Variants in STPG2 observed in about 807,000 individuals in gnomAD.
STPG2 encodes sperm-tail PG-rich repeat-containing protein 2.
STPG2 carries 56 observed loss-of-function variants against 54.2 expected under a neutral mutation model. That is an observed-to-expected ratio of 1.03 (90% CI 0.83 to 1.29). STPG2 has a LOEUF of 1.29. Among genes scored for constraint, STPG2 ranks in the 50% most tolerant of loss-of-function variants. The probability of loss-of-function intolerance (pLI) is 0.00; values close to 1 mark genes in which losing one functional copy is unlikely to be tolerated. For missense variants in STPG2, 596 were observed against 544.9 expected (o/e 1.09, Z -0.93); for synonymous variants, 200 against 181.8 (o/e 1.10, Z -0.81).
downstream of STPG2, among the ~76,000 whole-genome samples, chr4:97,558,010 G>A (rs753311731): frequency 6.6e-6 from 1 of 152,118 alleles, no homozygotes; most frequent in Non-Finnish European, 1.5e-5. Flanking sequence ...AGCCTTTCCT[G>A]CATTTTCTTA....
intron 10 of STPG2, among the ~76,000 whole-genome samples, chr4:97,665,770 C>T (rs115272712): frequency 2.1e-4 from 32 of 152,210 alleles, no homozygotes; most frequent in African/African-American, 7.5e-4. Context: ...CTCAGCACTC[C>T]GTCAGCTTCC....
chr4:98,118,709 T>G (rs990620027), intron 3 of STPG2, among the ~76,000 whole-genome samples: 1 of 152,146 alleles, frequency 6.6e-6, no homozygotes, highest in Non-Finnish European at 1.5e-5. Flanking sequence ...AGTGGCTGAT[T>G]GCAAGGCTCA....
intron 8 of STPG2, among the ~76,000 whole-genome samples, chr4:97,931,661 GTTTT>G (rs869257958): frequency 2.3e-5 from 3 of 129,316 alleles, no homozygotes; most frequent in African/African-American, 5.1e-5. Flanking sequence ...TGGTTTTTTT[GTTTT>G]TTGTTGTTGT....
chr4:97,647,444 C>T (rs1352854355), intron 10 of STPG2, among the ~76,000 whole-genome samples: 3 of 152,134 alleles, frequency 2.0e-5, no homozygotes, highest in Non-Finnish European at 4.4e-5. Context: ...CACCTCCTGG[C>T]CTGATATTAC....
intron 10 of STPG2, among the ~76,000 whole-genome samples, chr4:97,677,613 A>G (rs534286532): frequency 6.6e-6 from 1 of 152,314 alleles, no homozygotes; most frequent in South Asian, 2.1e-4. Flanking sequence ...AATAATTTTT[A>G]TGGCAAATTT....
intron 9 of STPG2, among the ~76,000 whole-genome samples, chr4:97,821,959 T>C (rs1728105122): frequency 6.6e-6 from 1 of 152,222 alleles, no homozygotes. Context: ...CACTTGACTC[T>C]TTTTAGCCAT....
chr4:97,603,566 T>C (rs1485695277), intron 10 of STPG2, among the ~76,000 whole-genome samples: 1 of 151,538 alleles, frequency 6.6e-6, no homozygotes, highest in Non-Finnish European at 1.5e-5. Flanking sequence ...CAAGTGCTCA[T>C]CAACACATGA....
intron 9 of STPG2, among the ~76,000 whole-genome samples, chr4:97,812,480 TAA>T (rs1727771719): frequency 6.6e-6 from 1 of 152,160 alleles, no homozygotes; most frequent in African/African-American, 2.4e-5. Flanking sequence ...TCAGTATATC[TAA>T]GAGGCTTTTC....
intron 9 of STPG2, among the ~76,000 whole-genome samples, chr4:97,713,735 C>T (rs966698424): frequency 6.6e-6 from 1 of 152,190 alleles, no homozygotes; most frequent in African/African-American, 2.4e-5. Flanking sequence ...TGATTTCTAA[C>T]AGGCCATTGA....
At chr4:97,699,003 T>C (rs1345704918) in intron 10 of STPG2, among the ~76,000 whole-genome samples, 2 of 152,156 alleles carry the variant, frequency 1.3e-5, no homozygotes, top group Non-Finnish European at 2.9e-5. Context: ...GCATACAGGA[T>C]AGGCAAACAC....
chr4:97,747,028 C>A (rs988776179), intron 9 of STPG2, among the ~76,000 whole-genome samples: 13 of 149,468 alleles, frequency 8.7e-5, no homozygotes, highest in African/African-American at 2.7e-4. Flanking sequence ...AAAAAAAAAT[C>A]TTTTACAGTA....
chr4:97,468,429 C>T (rs1318063108), intron 4 of STPG2, among the ~76,000 whole-genome samples: 8 of 151,914 alleles, frequency 5.3e-5, no homozygotes. Context: ...CGAAAATGAG[C>T]TTAATTGCAC....
chr4:97,948,421 G>A (rs1733331372), intron 7 of STPG2, among the ~76,000 whole-genome samples: 1 of 151,630 alleles, frequency 6.6e-6, no homozygotes, highest in South Asian at 2.1e-4. Flanking sequence ...AATACATGTA[G>A]TTCTACTCTA....
chr4:97,495,547 C>A (rs563309667), intron 4 of STPG2, among the ~76,000 whole-genome samples: 1 of 150,626 alleles, frequency 6.6e-6, no homozygotes, highest in Non-Finnish European at 1.5e-5. Context: ...TTATGCAGTT[C>A]GGTTTGAAAA....
intron 5 of STPG2, among the ~76,000 whole-genome samples, chr4:98,068,001 T>A (rs890034290): frequency 2.6e-5 from 4 of 152,196 alleles, no homozygotes; most frequent in Non-Finnish European, 5.9e-5. Context: ...GTATCCTAGA[T>A]GACCCAGGCG....
intron 9 of STPG2, among the ~76,000 whole-genome samples, chr4:97,714,641 A>T (rs1481864711): frequency 5.3e-5 from 8 of 152,164 alleles, no homozygotes; most frequent in Non-Finnish European, 1.0e-4. Context: ...TATAGTGCAG[A>T]GGAATAATGC....
intron 8 of STPG2, among the ~76,000 whole-genome samples, chr4:97,888,668 A>C (rs1730666146): frequency 6.6e-6 from 1 of 152,160 alleles, no homozygotes; most frequent in South Asian, 2.1e-4. Flanking sequence ...TCAATGCTGA[A>C]ATGATTTAAG....
intron 9 of STPG2, among the ~76,000 whole-genome samples, chr4:97,783,610 C>T (rs542403039): frequency 6.6e-6 from 1 of 152,190 alleles, no homozygotes; most frequent in East Asian, 1.9e-4. Flanking sequence ...ATGCTGCTAT[C>T]AAGGCACATT....
chr4:98,081,789 G>A (rs1324539422), intron 5 of STPG2, among the ~76,000 whole-genome samples: 1 of 152,116 alleles, frequency 6.6e-6, no homozygotes, highest in Admixed American at 6.6e-5. Flanking sequence ...CTCTTCTAAT[G>A]CATAACACTA....
Sources: gnomAD v4.1 joint callset for allele counts (sites outside exome capture counted in the v4.1 genomes callset) on GRCh38, gnomAD v4.1.1 for gene constraint, MANE v1.5 for transcripts, NCBI Gene and HGNC (gene_info 2026-07-23, HGNC 2026-07-21) for gene names.